The following TET2 variants were observed in gnomAD, a reference collection of about 807,000 sequenced individuals.
The protein encoded by TET2 is tet methylcytosine dioxygenase 2, also known as methylcytosine dioxygenase TET2.
In TET2, 299 loss-of-function variants were observed where a neutral mutation model predicts 142.9. That is an observed-to-expected ratio of 2.09 (90% CI 1.90 to 2.30). TET2 has a LOEUF of 2.30. Ranked by LOEUF, TET2 falls within the 30% of genes most tolerant of loss-of-function variation. The probability of loss-of-function intolerance (pLI) is 0.00; values close to 1 mark genes in which losing one functional copy is unlikely to be tolerated. For missense variants in TET2, 2,418 were observed against 2,378.0 expected (o/e 1.02, Z -0.35); for synonymous variants, 819 against 849.0 (o/e 0.96, Z 0.61).
rs1271359985 is a variant in TET2, at chr4:105,278,256, A to G, written c.*1737A>G. The G allele has an allele frequency of 4.2e-5, 8 of 188,296 alleles. No homozygotes were observed. Among genetic ancestry groups the G allele is most frequent in the Non-Finnish European group, 7.7e-5 (7 of 91,322 alleles). The allele number at this position is 188,296 out of a possible 1,614,324, so 11.7% of individuals were successfully genotyped here. ...TGGTGCTACTCAGCCTGCTACAAAT[A>G]TATCATAATGTGAGCTAAGAATTCA... On this transcript the variant is annotated 3_prime_UTR_variant, in exon 11 of 11. Coordinates refer to ENST00000380013, the MANE Select transcript of TET2 (RefSeq NM_001127208.3).
intron 2 of TET2, among the ~76,000 whole-genome samples, chr4:105,194,701 A>G (rs1375685282): frequency 6.6e-6 from 1 of 152,158 alleles, no homozygotes; most frequent in Non-Finnish European, 1.5e-5. Flanking sequence ...ATCATAATAC[A>G]GTGCTCTTCA....
chr4:105,194,208 A>G (rs1381865869), intron 2 of TET2, among the ~76,000 whole-genome samples: 1 of 152,146 alleles, frequency 6.6e-6, no homozygotes, highest in Non-Finnish European at 1.5e-5. Context: ...CTTGCCTGTT[A>G]GCACTCTCTT....
intron 2 of TET2, among the ~76,000 whole-genome samples, chr4:105,206,072 C>G (rs1282249022): frequency 6.6e-6 from 1 of 152,170 alleles, no homozygotes; most frequent in Admixed American, 6.5e-5. Flanking sequence ...GTCTTGGCCT[C>G]TAGTTCAGAT....
At chr4:105,242,730 TGTG>T (rs1729370164) in intron 4 of TET2, 101 bp from the exon 5 acceptor site, 2 of 1,488,026 alleles carry the variant, frequency 1.3e-6, no homozygotes, top group Non-Finnish European at 1.8e-6. Flanking sequence ...TTTCTCAGGA[TGTG>T]GTCATAGAAT....
At chr4:105,259,506 A>C in intron 6 of TET2, 113 bp from the exon 7 acceptor site, 1 of 1,008,066 alleles carries the variant, frequency 9.9e-7, no homozygotes, top group African/African-American at 1.6e-5. Context: ...CTTAATACAG[A>C]GTTAGATTAG....
chr4:105,163,301 G>A (rs895834927), intron 1 of TET2, among the ~76,000 whole-genome samples: 1 of 152,032 alleles, frequency 6.6e-6, no homozygotes, highest in South Asian at 2.1e-4. Flanking sequence ...TTGCCACCTG[G>A]ATTGCCACCA....
chr4:105,192,791 G>A (rs1392362217), intron 2 of TET2, among the ~76,000 whole-genome samples: 1 of 152,068 alleles, frequency 6.6e-6, no homozygotes, highest in African/African-American at 2.4e-5. Flanking sequence ...GAAGTGCTAA[G>A]TTTTAAAAAT....
rs919399220 is a variant in TET2 at position 105,250,060 on chromosome 4, G to A, written c.3803+6282G>A. The stretch of plus-strand genomic sequence containing the variant: ...TCTTACATTTAGATTTTTAATTAAT[G>A]TTGAGTTAATTTGATGGTGAGAGAT... On this transcript the variant is annotated intron_variant, in intron 6 of 10. Transcript: ENST00000380013. Among the ~76,000 whole-genome samples, 22 of 152,152 alleles carry A rather than the reference G, an allele frequency of 1.4e-4. No individual in the cohort carries two copies. The East Asian group carries it at 2.1e-3, about 15-fold the overall frequency.
chr4:105,161,921 TGTGTGTATGTG>T (rs542274947), intron 1 of TET2, among the ~76,000 whole-genome samples: 1 of 152,220 alleles, frequency 6.6e-6, no homozygotes, highest in African/African-American at 2.4e-5. Context: ...TACTACTAAG[TGTGTGTATGTG>T]GTGTGTATGT....
intron 2 of TET2, among the ~76,000 whole-genome samples, chr4:105,223,261 CATT>C (rs1324492499): frequency 6.6e-6 from 1 of 152,078 alleles, no homozygotes; most frequent in Non-Finnish European, 1.5e-5. Context: ...ATATAGGAAA[CATT>C]ATATTCCAGG....
At chr4:105,267,546 A>C (rs1730745503) in intron 8 of TET2, among the ~76,000 whole-genome samples, 1 of 151,724 alleles carries the variant, frequency 6.6e-6, no homozygotes. Flanking sequence ...CACTAAAAAA[A>C]AAAAAAAAAG....
intron 2 of TET2, among the ~76,000 whole-genome samples, chr4:105,221,820 C>T (rs1015364229): frequency 8.6e-5 from 13 of 151,822 alleles, no homozygotes; most frequent in African/African-American, 1.7e-4. Flanking sequence ...CCCACTAACT[C>T]GTCATCTAGC....
chr4:105,241,837 A>C, intron 4 of TET2: 1 of 1,248,082 alleles, frequency 8.0e-7, no homozygotes, highest in Non-Finnish European at 1.0e-6. Context: ...AAATTCACCT[A>C]GTGTTGCAAA....
At chr4:105,148,018 G>C (rs1408385502) in intron 1 of TET2, among the ~76,000 whole-genome samples, 4 of 151,824 alleles carry the variant, frequency 2.6e-5, no homozygotes, top group African/African-American at 7.3e-5. Context: ...CTTTCTCTCT[G>C]TGTCTCCTCT....
intron 2 of TET2, among the ~76,000 whole-genome samples, chr4:105,211,647 GA>G (rs890270733): frequency 1.2e-4 from 18 of 152,178 alleles, no homozygotes; most frequent in Non-Finnish European, 2.6e-4. Flanking sequence ...GCAGCTGGCT[GA>G]AAGAGAACAA....
chr4:105,242,479 T>TA (rs1729359695), intron 4 of TET2: 2 of 1,104,906 alleles, frequency 1.8e-6, no homozygotes, highest in South Asian at 8.3e-5. Flanking sequence ...TTAAAATAGC[T>TA]AAATTTAGTA....
At chr4:105,174,215 G>T (rs1039680991) in intron 1 of TET2, among the ~76,000 whole-genome samples, 1 of 152,098 alleles carries the variant, frequency 6.6e-6, no homozygotes, top group African/African-American at 2.4e-5. Context: ...GATCTTAAAA[G>T]ATATTTTATC....
Position 105,269,692 on chromosome 4 carries a change from A to T in TET2, c.4127A>T (p.Asp1376Val), listed in dbSNP as rs2110300801. The change falls in exon 9 of 11, where the codon GAC (aspartate) becomes GTC (valine). Residue 1376 changes from aspartate to valine, a missense_variant. Transcript: ENST00000380013. ...RPFSGVTACL[D>V]FCAHAHRDLH... ...TTCTCAGGGGTCACTGCATGTTTGG[A>T]CTTCTGTGCTCATGCCCACAGAGAC... is the stretch of plus-strand genomic sequence containing the variant. 1 of 1,551,624 alleles carries T rather than the reference A, an allele frequency of 6.4e-7. No individual in the cohort carries two copies. The highest frequency in any genetic ancestry group is 8.7e-7 in the Non-Finnish European group (1 of 1,146,928).
intron 2 of TET2, among the ~76,000 whole-genome samples, chr4:105,207,652 T>C (rs1726909977): frequency 6.6e-6 from 1 of 152,176 alleles, no homozygotes; most frequent in African/African-American, 2.4e-5. Flanking sequence ...GCGATTTCCT[T>C]GTTAACCTAT....
Sources: gnomAD v4.1 joint callset for allele counts (sites outside exome capture counted in the v4.1 genomes callset) on GRCh38, gnomAD v4.1.1 for gene constraint, MANE v1.5 for transcripts, NCBI Gene and HGNC (gene_info 2026-07-23, HGNC 2026-07-21) for gene names.